Variants in CDK13 observed in about 807,000 individuals in gnomAD.
CDK13 encodes cyclin dependent kinase 13.
CDK13 carries 40 observed loss-of-function variants against 137.6 expected under a neutral mutation model. The ratio of observed to expected loss-of-function variants is 0.29; its 90% CI spans 0.23 to 0.38. The LOEUF (loss-of-function observed/expected upper bound fraction) is 0.38, where lower values mean the gene tolerates loss of function less well. CDK13 is among the 10% of genes least tolerant of loss of function. The pLI is 1.00. For missense variants in CDK13, 1,704 were observed against 1,951.8 expected (o/e 0.87, Z 2.39); for synonymous variants, 869 against 760.1 (o/e 1.14, Z -2.36).
chr7:40,054,948 A>G (rs1785978618), intron 7 of CDK13, among the ~76,000 whole-genome samples: 1 of 152,144 alleles, frequency 6.6e-6, no homozygotes, highest in African/African-American at 2.4e-5. Context: ...TGGAAGGCCA[A>G]GATGTGGAGA....
chr7:40,079,410 A>G (rs1159622709), intron 11 of CDK13, among the ~76,000 whole-genome samples: 1 of 149,124 alleles, frequency 6.7e-6, no homozygotes, highest in Non-Finnish European at 1.5e-5. Flanking sequence ...CAAGAGCAAG[A>G]CTCCGTCTCA....
At chr7:39,978,440 T>G (rs1376070653) in intron 1 of CDK13, among the ~76,000 whole-genome samples, 1 of 152,296 alleles carries the variant, frequency 6.6e-6, no homozygotes. Context: ...TGTAGTGATT[T>G]GAGGATTGAA....
chr7:39,999,330 T>C (rs1042398262), intron 3 of CDK13, 31 bp from the exon 4 acceptor site: 1 of 1,562,100 alleles, frequency 6.4e-7, no homozygotes, highest in African/African-American at 1.4e-5. Context: ...TGCTTGATTG[T>C]ATATAAAAAC....
chr7:40,078,662 A>C (rs1786597632), intron 10 of CDK13, 58 bp from the exon 11 acceptor site: 3 of 1,136,906 alleles, frequency 2.6e-6, no homozygotes, highest in Admixed American at 5.9e-5. Flanking sequence ...AAGCTCCTAA[A>C]GAAACATAAG....
intron 9 of CDK13, among the ~76,000 whole-genome samples, chr7:40,065,584 A>G (rs1444795121): frequency 6.6e-6 from 1 of 152,212 alleles, no homozygotes; most frequent in Non-Finnish European, 1.5e-5. Flanking sequence ...CAAGTTGGAC[A>G]AGCTTGCTTT....
At chr7:39,995,149 G>A (rs1463504113) in intron 2 of CDK13, among the ~76,000 whole-genome samples, 1 of 151,816 alleles carries the variant, frequency 6.6e-6, no homozygotes, top group Non-Finnish European at 1.5e-5. Flanking sequence ...TTTTTAAAAA[G>A]CTCATTTTCT....
intron 1 of CDK13, among the ~76,000 whole-genome samples, chr7:39,957,133 T>TGTGTGTG (rs1176497431): frequency 3.5e-5 from 4 of 112,884 alleles, no homozygotes; most frequent in African/African-American, 1.7e-4. Flanking sequence ...GTGTGTGTGT[T>TGTGTGTG]TTGGTAGAGA....
At chr7:40,088,047 A>G in intron 11 of CDK13, 79 bp from the exon 12 acceptor site, 5 of 1,181,494 alleles carry the variant, frequency 4.2e-6, no homozygotes, top group Non-Finnish European at 6.1e-6. Context: ...GTGGGGGCAT[A>G]ACTTTGTTGC....
intron 1 of CDK13, among the ~76,000 whole-genome samples, chr7:39,981,495 C>T (rs563139719): frequency 2.6e-5 from 4 of 152,246 alleles, no homozygotes; most frequent in African/African-American, 9.6e-5. Flanking sequence ...GCACTTCTCT[C>T]TTATTCTCAT....
At chr7:40,030,189 G>A (rs1785340563) in intron 5 of CDK13, among the ~76,000 whole-genome samples, 1 of 151,780 alleles carries the variant, frequency 6.6e-6, no homozygotes, top group African/African-American at 2.4e-5. Flanking sequence ...GAGAACAGAA[G>A]TACCTCACCA....
intron 1 of CDK13, chr7:39,986,566 A>G (rs1784341579): frequency 6.6e-6 from 1 of 152,220 alleles, no homozygotes; most frequent in Non-Finnish European, 1.5e-5. Context: ...TTTCTAAGAA[A>G]TTGAGTAATA....
At chr7:40,075,940 C>T (rs532879033) in intron 9 of CDK13, among the ~76,000 whole-genome samples, 2 of 152,188 alleles carry the variant, frequency 1.3e-5, no homozygotes, top group African/African-American at 4.8e-5. Context: ...ACATAGTGTT[C>T]CTCCCAAATG....
chr7:40,046,561 T>G (rs1785745539), intron 6 of CDK13, among the ~76,000 whole-genome samples: 1 of 151,964 alleles, frequency 6.6e-6, no homozygotes, highest in Non-Finnish European at 1.5e-5. Context: ...GCATGAGAAT[T>G]GCTTGAATCT....
intron 9 of CDK13, chr7:40,073,026 T>C (rs1460515560): frequency 6.6e-6 from 1 of 152,240 alleles, no homozygotes; most frequent in African/African-American, 2.4e-5. Context: ...TGTGTGAATT[T>C]GTATGTGTAT....
chr7:40,084,034 G>A (rs1452502723), intron 11 of CDK13, among the ~76,000 whole-genome samples: 1 of 152,132 alleles, frequency 6.6e-6, no homozygotes, highest in Non-Finnish European at 1.5e-5. Context: ...ATGAGAGAAT[G>A]GGGTATTTAA....
intron 1 of CDK13, among the ~76,000 whole-genome samples, chr7:39,977,583 T>G (rs1258846410): frequency 1.3e-5 from 2 of 152,224 alleles, no homozygotes; most frequent in African/African-American, 2.4e-5. Flanking sequence ...TCCTTTTGTT[T>G]CCTACATAAA....
Position 39,951,913 on chromosome 7 carries a change from A to G in CDK13, c.1211+61A>G, listed in dbSNP as rs868730303. 2.3e-5 allele frequency: 30 copies of G among 1,315,044 alleles called. 1 individual carries two copies. Among genetic ancestry groups the G allele is most frequent in the Middle Eastern group, 4.0e-4 (2 of 4,976 alleles). The allele number at this position is 1,315,044 out of a possible 1,614,324, so 81.5% of individuals were successfully genotyped here. ...TGCGCTGGCCAGATCCCCAGGAGGA[A>G]GGGAAAGTGGTGCCCGGGTCCTCAG... is the stretch of plus-strand genomic sequence containing the variant. On this transcript the variant is annotated intron_variant, in intron 1 of 13. Coordinates refer to ENST00000181839, the MANE Select transcript of CDK13 (RefSeq NM_003718.5).
chr7:40,084,580 G>T (rs117755324), intron 11 of CDK13, among the ~76,000 whole-genome samples: 54 of 152,326 alleles, frequency 3.5e-4, no homozygotes, highest in Admixed American at 7.2e-4. Flanking sequence ...CTAGCAGCCA[G>T]CCTGTAAGCT....
rs772692107 is a variant in CDK13, at chr7:40,094,114, GCT to G, written c.3689-13_3689-12del. 22 of 1,606,396 alleles carry G rather than the reference GCT, an allele frequency of 1.4e-5. No homozygotes were observed. Among genetic ancestry groups the G allele is most frequent in the Non-Finnish European group, 1.7e-5 (20 of 1,177,838 alleles). ...CATGGTAACTTTTGACCTTGTTTTTGCTCTGTTTCACTTAGGACAAGATGACC... is the reference window on the plus strand; with the variant it reads ...CATGGTAACTTTTGACCTTGTTTTTGCTGTTTCACTTAGGACAAGATGACC... On this transcript the variant is annotated splice_polypyrimidine_tract_variant and intron_variant, in intron 13 of 13. Transcript: ENST00000181839.
Sources: allele counts gnomAD v4.1 joint callset (sites outside exome capture counted in the v4.1 genomes callset), GRCh38; gene constraint gnomAD v4.1.1; transcripts MANE v1.5; gene names NCBI Gene and HGNC (gene_info 2026-07-23, HGNC 2026-07-21).